Variants in GLDC observed in about 807,000 individuals in gnomAD.
The protein encoded by GLDC is glycine decarboxylase, also known as glycine dehydrogenase (decarboxylating), mitochondrial.
GLDC carries 104 observed loss-of-function variants against 121.3 expected under a neutral mutation model. That is an observed-to-expected ratio of 0.86 (90% CI 0.73 to 1.01). The LOEUF is 1.01. Ranked by LOEUF, GLDC falls within the 50% of genes least tolerant of loss-of-function variation. The pLI is 0.00. For synonymous variants in GLDC, 546 were observed against 480.6 expected (o/e 1.14, Z -1.78); for missense variants, 1,429 against 1,306.6 (o/e 1.09, Z -1.44).
chr9:6,642,387 C>T (rs975604341), intron 2 of GLDC, among the ~76,000 whole-genome samples: 4 of 151,844 alleles, frequency 2.6e-5, no homozygotes, highest in Non-Finnish European at 1.5e-5. Context: ...AAAAATTAGC[C>T]GGGCATGGTG....
chr9:6,580,295 G>A (rs1182828539), intron 15 of GLDC, among the ~76,000 whole-genome samples: 1 of 152,166 alleles, frequency 6.6e-6, no homozygotes, highest in Non-Finnish European at 1.5e-5. Context: ...ATAACAAAAT[G>A]TTGAGTTACC....
At chr9:6,587,334 GCAA>G in intron 14 of GLDC, 51 bp from the exon 15 acceptor site, 1 of 1,308,406 alleles carries the variant, frequency 7.6e-7, no homozygotes, top group South Asian at 1.2e-5. Context: ...AATAGCAATA[GCAA>G]TAATAACTTT....
At chr9:6,571,969 T>C (rs1490978880) in intron 15 of GLDC, among the ~76,000 whole-genome samples, 1 of 152,176 alleles carries the variant, frequency 6.6e-6, no homozygotes, top group Non-Finnish European at 1.5e-5. Context: ...GCCTTTTCAA[T>C]AAATGGAACT....
At chr9:6,539,309 C>G (rs1817203138) in intron 22 of GLDC, among the ~76,000 whole-genome samples, 1 of 152,090 alleles carries the variant, frequency 6.6e-6, no homozygotes, top group Non-Finnish European at 1.5e-5. Flanking sequence ...GAAACCCCAT[C>G]TCTACTAAAA....
intron 8 of GLDC, among the ~76,000 whole-genome samples, chr9:6,599,432 T>C (rs1818554771): frequency 6.6e-6 from 1 of 151,380 alleles, no homozygotes; most frequent in Non-Finnish European, 1.5e-5. Context: ...CATATAAAGA[T>C]CACCATGTGG....
At chr9:6,605,043 G>T in intron 6 of GLDC, 88 bp downstream of exon 6, 2 of 1,249,070 alleles carry the variant, frequency 1.6e-6, no homozygotes, top group South Asian at 2.4e-5. Context: ...AGAAATTAAG[G>T]CACATGAAAA....
In GLDC at chr9:6,587,286, G is replaced by A; in HGVS notation, c.1708-3C>T. On this transcript the variant is annotated splice_polypyrimidine_tract_variant and splice_region_variant and intron_variant, in intron 14 of 24. Transcript: ENST00000321612. ...GCAAATTCTTTCCATGTGATAGGCTGAAAAGAAAGAAAACAAAAATGCATA... is the reference window on the plus strand; with the variant it reads ...GCAAATTCTTTCCATGTGATAGGCTAAAAAGAAAGAAAACAAAAATGCATA... The A allele has an allele frequency of 1.2e-6, 2 of 1,609,770 alleles. No individual in the cohort carries two copies. Among genetic ancestry groups the A allele is most frequent in the Non-Finnish European group, 1.7e-6 (2 of 1,176,176 alleles).
chr9:6,629,321 T>A (rs1819312762), intron 2 of GLDC, among the ~76,000 whole-genome samples: 1 of 151,594 alleles, frequency 6.6e-6, no homozygotes, highest in Non-Finnish European at 1.5e-5. Context: ...TTCAAGCGAT[T>A]CTCCTGCCTC....
intron 2 of GLDC, among the ~76,000 whole-genome samples, chr9:6,623,924 C>T (rs964117077): frequency 5.9e-5 from 9 of 152,316 alleles, no homozygotes; most frequent in Non-Finnish European, 1.3e-4. Context: ...GCCTTGTAGG[C>T]GAGTCCGGCT....
chr9:6,640,019 A>T (rs115594616), intron 2 of GLDC, among the ~76,000 whole-genome samples: 1,558 of 152,248 alleles, frequency 0.01, 36 homozygotes, highest in African/African-American at 0.036. Context: ...CCCATAACCA[A>T]TCACATCAGT....
intron 7 of GLDC, 21 bp from the exon 8 acceptor site, chr9:6,602,226 C>T: frequency 7.3e-7 from 1 of 1,368,930 alleles, no homozygotes; most frequent in South Asian, 1.2e-5. Context: ...AATAAGGCAT[C>T]CAGTTAGCAC....
rs147535230 is a variant in GLDC, at chr9:6,557,206, A to T, written c.2053-904T>A. Reference sequence around the variant, plus strand: ...AAATGATACATGCTTGAGATGATGGATATGCTGATTACCCTGATCTGATCT... The same window carrying T: ...AAATGATACATGCTTGAGATGATGGTTATGCTGATTACCCTGATCTGATCT... On this transcript the variant is annotated intron_variant, in intron 17 of 24. Transcript: ENST00000321612. Among the ~76,000 whole-genome samples, 1,141 of 152,312 alleles carry T rather than the reference A, an allele frequency of 7.5e-3. 24 individuals carry two copies. Among genetic ancestry groups the T allele is most frequent in the African/African-American group, 0.026 (1,093 of 41,562 alleles).
intron 15 of GLDC, among the ~76,000 whole-genome samples, chr9:6,578,818 C>T (rs1253557629): frequency 6.6e-6 from 1 of 152,216 alleles, no homozygotes; most frequent in East Asian, 1.9e-4. Flanking sequence ...CAAGCATGAG[C>T]TACTGCACCT....
chr9:6,642,974 C>T (rs1316488082), intron 2 of GLDC, among the ~76,000 whole-genome samples: 1 of 151,940 alleles, frequency 6.6e-6, no homozygotes, highest in Non-Finnish European at 1.5e-5. Context: ...TCTTGGCTCG[C>T]TGCAACCTCC....
intron 7 of GLDC, among the ~76,000 whole-genome samples, chr9:6,603,190 T>C (rs570404075): frequency 1.3e-5 from 2 of 150,864 alleles, no homozygotes; most frequent in East Asian, 3.9e-4. Flanking sequence ...ATCGTACCAC[T>C]GCACTCCAGC....
chr9:6,638,904 G>A (rs1014628506), intron 2 of GLDC, among the ~76,000 whole-genome samples: 10 of 152,028 alleles, frequency 6.6e-5, no homozygotes, highest in Non-Finnish European at 1.5e-4. Context: ...AGCTACTCGG[G>A]AGGCTCAGGC....
chr9:6,635,347 G>A lies in GLDC; in HGVS notation c.334+9267C>T, dbSNP rs146113425. Among the ~76,000 whole-genome samples the A allele has an allele frequency of 2.7e-4, 41 of 152,278 alleles. No individual in the cohort carries two copies. In the East Asian group the frequency reaches 6.6e-3, roughly 24 times the overall value. On this transcript the variant is annotated intron_variant, in intron 2 of 24. Transcript: ENST00000321612. ...CCTTAATAACCCACTGATAACAAAG[G>A]TGATAGCAAACACCAATCCAAAAAC...
At chr9:6,641,719 C>T (rs569819589) in intron 2 of GLDC, among the ~76,000 whole-genome samples, 1 of 152,296 alleles carries the variant, frequency 6.6e-6, no homozygotes, top group East Asian at 1.9e-4. Context: ...GTAAGCACTA[C>T]ATAAATGTCT....
chr9:6,605,209 T>A lies in GLDC; in HGVS notation c.783A>T (p.Gly261=), dbSNP rs750202211. The A allele has an allele frequency of 1.7e-5, 28 of 1,613,458 alleles. No individual in the cohort carries two copies. The highest frequency in any genetic ancestry group is 2.4e-5 in the Non-Finnish European group (28 of 1,179,634). ...CCGTGTCTGGGTACTGGAACAACAC[T>A]CCACTGACATCTTTTCCACTGAAGT... ...EMDFSGKDVS[G]VLFQYPDTEG... is the part of the protein sequence containing the mutation. Residue 261 remains glycine, a synonymous_variant, in exon 6 of 25, where the codon GGA becomes GGT. Coordinates refer to ENST00000321612, the MANE Select transcript of GLDC (RefSeq NM_000170.3).
Sources: gnomAD v4.1 joint callset for allele counts (sites outside exome capture counted in the v4.1 genomes callset) on GRCh38, gnomAD v4.1.1 for gene constraint, MANE v1.5 for transcripts, NCBI Gene and HGNC (gene_info 2026-07-23, HGNC 2026-07-21) for gene names.